KCNK17: variants seen among roughly 807,000 people sequenced by gnomAD.
The protein encoded by KCNK17 is potassium two pore domain channel subfamily K member 17, also known as potassium channel subfamily K member 17.
In KCNK17, 27 loss-of-function variants were observed where a neutral mutation model predicts 24.6. The ratio of observed to expected loss-of-function variants is 1.10; its 90% confidence interval spans 0.81 to 1.51. The LOEUF (loss-of-function observed/expected upper bound fraction) is 1.51, where lower values mean the gene tolerates loss of function less well. Among genes scored for constraint, KCNK17 ranks in the 40% most tolerant of loss-of-function variants. KCNK17 has a pLI of 0.00. For synonymous variants in KCNK17, 181 were observed against 189.8 expected, an observed-to-expected ratio of 0.95 and a Z score of 0.38; for missense variants, 450 against 436.6, an observed-to-expected ratio of 1.03 and a Z score of -0.27.
intron 1 of KCNK17, 75 bp downstream of exon 1, chr6:39,314,008 CT>C: frequency 8.5e-7 from 1 of 1,170,300 alleles, no homozygotes. Context: ...AATAGGCCCC[CT>C]CGCCCTCGGC....
chr6:39,310,406 G>A (rs1047202611), intron 2 of KCNK17, among the ~76,000 whole-genome samples: 6 of 152,036 alleles, frequency 3.9e-5, no homozygotes, highest in Admixed American at 3.9e-4. Flanking sequence ...GGACATGGGA[G>A]GAATGGCCAC....
chr6:39,314,018 G>GCC, intron 1 of KCNK17, 66 bp downstream of exon 1: 1 of 1,287,708 alleles, frequency 7.8e-7, no homozygotes, highest in South Asian at 1.5e-5. Context: ...CTCGCCCTCG[G>GCC]CCCGTACACC....
Position 39,304,477 on chromosome 6 carries a change from G to A in KCNK17, c.513+18C>T, listed in dbSNP as rs199856735. ...TCTAGAAGTGACCCATCCCCACCCC[G>A]TCCAGCAGCCCCCTCACCTGCCAGG... On this transcript the variant is annotated intron_variant, in intron 3 of 4. Transcript: ENST00000373231. 1,247 of 1,604,736 alleles carry A rather than the reference G, an allele frequency of 7.8e-4. 9 individuals carry two copies. The African/African-American group carries it at 0.012, about 16-fold the overall frequency.
At chr6:39,313,575 C>G (rs1337884282) in intron 1 of KCNK17, among the ~76,000 whole-genome samples, 1 of 152,214 alleles carries the variant, frequency 6.6e-6, no homozygotes, top group African/African-American at 2.4e-5. Context: ...AGACCCGGCG[C>G]CCCTGCCGTC....
intron 1 of KCNK17, among the ~76,000 whole-genome samples, chr6:39,313,105 G>A (rs986378485): frequency 6.6e-6 from 1 of 152,166 alleles, no homozygotes; most frequent in Admixed American, 6.5e-5. Context: ...TGGACTCTGG[G>A]CTCTTGGACG....
intron 2 of KCNK17, among the ~76,000 whole-genome samples, chr6:39,309,879 G>A (rs1386181695): frequency 3.3e-5 from 5 of 152,178 alleles, no homozygotes; most frequent in African/African-American, 1.2e-4. Context: ...GCTCAGGGCC[G>A]CTGGAGTCTG....
rs1562084369 is a variant in KCNK17, at chr6:39,311,109, C to CTT, written c.238-103_238-102insAA. The CTT allele has an allele frequency of 5.3e-6, 3 of 571,164 alleles. No homozygotes were observed. The African/African-American group carries it at 6.4e-5, about 12-fold the overall frequency. The allele number at this position is 571,164 out of a possible 1,614,324, so 35.4% of individuals were successfully genotyped here. A position where few individuals can be genotyped will look rare whatever the true frequency, so the allele number is the denominator to read the frequency against. On this transcript the variant is annotated intron_variant, in intron 1 of 4. Coordinates refer to ENST00000373231, the MANE Select transcript of KCNK17 (RefSeq NM_031460.4). ...ACACACACACACACACACACACACA[C>CTT]ACACACACACAAACAAACCTACACA...
intron 2 of KCNK17, among the ~76,000 whole-genome samples, chr6:39,308,412 T>G (rs893061436): frequency 4.6e-5 from 7 of 152,198 alleles, no homozygotes; most frequent in African/African-American, 1.7e-4. Flanking sequence ...TGCTTCTGCC[T>G]CCCAAATAGC....
At chr6:39,300,627 A>G in intron 4 of KCNK17, 1 of 1,177,574 alleles carries the variant, frequency 8.5e-7, no homozygotes, top group South Asian at 1.3e-5. Context: ...TGAGATGGGG[A>G]ATACGACTGC....
intron 4 of KCNK17, chr6:39,300,476 T>C (rs1303576684): frequency 6.4e-7 from 1 of 1,550,774 alleles, no homozygotes; most frequent in Non-Finnish European, 8.7e-7. Flanking sequence ...CGCTCTAGTG[T>C]TTGCCAGTCT....
rs483353014 is a variant in KCNK17 at position 39,304,573 on chromosome 6, G to T, written c.435C>A (p.Leu145=). ...GATGCCCCAGTCGGTTGAGCACCAC[G>T]AGGTTGAGTGGGATCCCCACAAGGG... ...FFALVGIPLN[L]VVLNRLGHLM... is the part of the protein sequence containing the mutation. The change falls in exon 3 of 5, where the codon CTC becomes CTA. Residue 145 remains leucine (L), a synonymous_variant. Coordinates refer to ENST00000373231, the MANE Select transcript of KCNK17 (RefSeq NM_031460.4). 2 of 1,614,008 alleles carry T rather than the reference G, an allele frequency of 1.2e-6. No homozygotes were observed. The highest frequency in any genetic ancestry group is 1.7e-6 in the Non-Finnish European group (2 of 1,179,994).
intron 4 of KCNK17, among the ~76,000 whole-genome samples, chr6:39,302,395 T>C (rs1761963800): frequency 6.6e-6 from 1 of 152,128 alleles, no homozygotes; most frequent in South Asian, 2.1e-4. Context: ...TTTTGGACTT[T>C]ATCCTAAAAC....
At chr6:39,307,930 A>T (rs894543165) in intron 2 of KCNK17, among the ~76,000 whole-genome samples, 1 of 152,142 alleles carries the variant, frequency 6.6e-6, no homozygotes, top group Admixed American at 6.5e-5. Context: ...GGGCCTTTGC[A>T]CTTGCTGGCA....
intron 4 of KCNK17, chr6:39,300,568 T>C (rs1421700680): frequency 1.3e-6 from 2 of 1,540,916 alleles, no homozygotes; most frequent in Non-Finnish European, 1.8e-6. Flanking sequence ...CATAAGAATA[T>C]GTATCCTGAC....
At chr6:39,307,693 C>T (rs999101694) in intron 2 of KCNK17, among the ~76,000 whole-genome samples, 8 of 152,218 alleles carry the variant, frequency 5.3e-5, no homozygotes, top group East Asian at 1.9e-4. Flanking sequence ...ACCTGTTGAA[C>T]GCTGGGTAGC....
chr6:39,304,334 C>G, intron 3 of KCNK17, 161 bp downstream of exon 3: 1 of 793,694 alleles, frequency 1.3e-6, no homozygotes, highest in Non-Finnish European at 2.0e-6. Context: ...CATTAATGCC[C>G]TTTTTCACTA....
At chr6:39,308,997 G>A (rs892421876) in intron 2 of KCNK17, among the ~76,000 whole-genome samples, 3 of 152,206 alleles carry the variant, frequency 2.0e-5, no homozygotes, top group African/African-American at 7.2e-5. Context: ...GGGGGAGATG[G>A]TGCAACATCT....
intron 1 of KCNK17, among the ~76,000 whole-genome samples, chr6:39,313,467 C>G (rs866078302): frequency 6.6e-6 from 1 of 152,164 alleles, no homozygotes; most frequent in Non-Finnish European, 1.5e-5. Context: ...TGAGGGTGGC[C>G]CCGACCAGCA....
At chr6:39,310,087 G>A (rs1464384752) in intron 2 of KCNK17, among the ~76,000 whole-genome samples, 1 of 152,192 alleles carries the variant, frequency 6.6e-6, no homozygotes. Flanking sequence ...ACTGGGAGGC[G>A]GTAGCCCAAG....
Sources: gnomAD v4.1 joint callset for allele counts (sites outside exome capture counted in the v4.1 genomes callset) on GRCh38, gnomAD v4.1.1 for gene constraint, MANE v1.5 for transcripts, NCBI Gene and HGNC (gene_info 2026-07-23, HGNC 2026-07-21) for gene names.